Variants in TCF20 observed in about 807,000 individuals in gnomAD.
TCF20 encodes the protein transcription factor 20.
Under a neutral mutation model 148.6 loss-of-function variants are expected in TCF20, and 3 were observed. The ratio of observed to expected loss-of-function variants is 0.02; its 90% CI spans 0.01 to 0.05. The LOEUF (loss-of-function observed/expected upper bound fraction) is 0.05, where lower values mean the gene tolerates loss of function less well. TCF20 is among the 10% of genes least tolerant of loss of function. The pLI, the probability that TCF20 is intolerant of heterozygous loss-of-function variation, is 1.00. For synonymous variants in TCF20, 1,049 were observed against 909.5 expected (o/e 1.15, Z -2.76); for missense variants, 2,350 against 2,429.3 (o/e 0.97, Z 0.69).
intron 1 of TCF20, among the ~76,000 whole-genome samples, chr22:42,216,062 G>C (rs917997766): frequency 2.4e-5 from 3 of 123,066 alleles, no homozygotes; most frequent in Non-Finnish European, 5.1e-5. Context: ...GGGGTGTGGG[G>C]TAAGAAAAAC....
chr22:42,261,178 T>C (rs950982551), intron 1 of TCF20, among the ~76,000 whole-genome samples: 2 of 152,254 alleles, frequency 1.3e-5, no homozygotes, highest in Non-Finnish European at 2.9e-5. Flanking sequence ...TATCTGTAGT[T>C]TGTTCCTTTT....
At chr22:42,232,690 G>C (rs1206106063) in intron 1 of TCF20, among the ~76,000 whole-genome samples, 1 of 151,790 alleles carries the variant, frequency 6.6e-6, no homozygotes, top group Non-Finnish European at 1.5e-5. Context: ...AATTAGCACG[G>C]CGTGGTGGCG....
intron 1 of TCF20, among the ~76,000 whole-genome samples, chr22:42,300,379 T>C (rs1220889720): frequency 6.6e-6 from 1 of 151,784 alleles, no homozygotes; most frequent in Non-Finnish European, 1.5e-5. Flanking sequence ...GTTTTAATTT[T>C]GGCTCAAACT....
intron 1 of TCF20, among the ~76,000 whole-genome samples, chr22:42,259,426 G>A (rs982973613): frequency 4.6e-5 from 7 of 152,144 alleles, no homozygotes; most frequent in Non-Finnish European, 8.8e-5. Context: ...GCAACCTCAT[G>A]TACTCCTAGG....
At chr22:42,323,869 G>GAGGTGGTGGTGGTGATGGAGGTTA (rs1927784143) in intron 1 of TCF20, among the ~76,000 whole-genome samples, 1 of 135,418 alleles carries the variant, frequency 7.4e-6, no homozygotes, top group Non-Finnish European at 1.7e-5. Flanking sequence ...TATGGTGGTG[G>GAGGTGGTGGTGGTGATGGAGGTTA]TGGTGGTGGT....
intron 1 of TCF20, among the ~76,000 whole-genome samples, chr22:42,334,883 C>T (rs1034192530): frequency 2.0e-5 from 3 of 152,134 alleles, no homozygotes; most frequent in Non-Finnish European, 4.4e-5. Context: ...TGTGAGTTGT[C>T]GGAAGGGAAC....
chr22:42,215,633 G>A (rs1034313484), intron 1 of TCF20, among the ~76,000 whole-genome samples: 3 of 151,994 alleles, frequency 2.0e-5, no homozygotes, highest in Non-Finnish European at 4.4e-5. Context: ...CACCAGGCTC[G>A]GCTAATTTTT....
intron 1 of TCF20, among the ~76,000 whole-genome samples, chr22:42,264,689 T>A (rs1487366978): frequency 6.6e-6 from 1 of 152,224 alleles, no homozygotes; most frequent in Non-Finnish European, 1.5e-5. Flanking sequence ...TAAAGTAACA[T>A]CCCCTGAGTT....
At chr22:42,188,872 A>C (rs1446180641) in intron 2 of TCF20, among the ~76,000 whole-genome samples, 2 of 152,230 alleles carry the variant, frequency 1.3e-5, no homozygotes, top group East Asian at 1.9e-4. Context: ...TCTGGGGGTA[A>C]AGCAAAATTT....
In TCF20 at chr22:42,339,566, G is replaced by A. The variant is rs1349800252; in HGVS notation, c.-37+3913C>T. The stretch of plus-strand genomic sequence containing the variant: ...GGCCAGAAATGACCACAAAAACGGC[G>A]CTCACTCTGCACCCACTCTGCGTCA... On this transcript the variant is annotated intron_variant, in intron 1 of 1. Transcript: ENST00000515426. Among the ~76,000 whole-genome samples the A allele has an allele frequency of 3.9e-5, 6 of 152,210 alleles. No individual in the cohort carries two copies. In the East Asian group the frequency reaches 9.6e-4, roughly 24 times the overall value.
upstream of TCF20, among the ~76,000 whole-genome samples, chr22:42,270,683 G>A (rs1298487680): frequency 2.1e-5 from 3 of 143,046 alleles, no homozygotes; most frequent in Non-Finnish European, 4.7e-5. Context: ...CGCGGCCAAT[G>A]GGGAGGCTCC....
chr22:42,196,600 C>G (rs75181277), intron 2 of TCF20, among the ~76,000 whole-genome samples: 2,415 of 152,286 alleles, frequency 0.016, 55 homozygotes, highest in African/African-American at 0.055. Flanking sequence ...GAGGCCTTCA[C>G]CTGACATGTG....
chr22:42,262,320 A>G (rs1926072208), intron 1 of TCF20, among the ~76,000 whole-genome samples: 1 of 152,188 alleles, frequency 6.6e-6, no homozygotes, highest in Non-Finnish European at 1.5e-5. Context: ...AGAAGTTATC[A>G]TCTTATGGAA....
At chr22:42,258,360 T>C (rs1477802886) in intron 1 of TCF20, among the ~76,000 whole-genome samples, 1 of 152,092 alleles carries the variant, frequency 6.6e-6, no homozygotes, top group African/African-American at 2.4e-5. Context: ...CACACACCTC[T>C]GCTCGCACCT....
chr22:42,176,723 T>G (rs1390609650), intron 3 of TCF20, among the ~76,000 whole-genome samples: 2 of 152,148 alleles, frequency 1.3e-5, no homozygotes, highest in Non-Finnish European at 2.9e-5. Context: ...GGACATTATG[T>G]CAAGTGAAAT....
At chr22:42,259,578 C>T (rs1601673322) in intron 1 of TCF20, among the ~76,000 whole-genome samples, 1 of 152,166 alleles carries the variant, frequency 6.6e-6, no homozygotes, top group African/African-American at 2.4e-5. Flanking sequence ...TCACTTTATA[C>T]CCTATTCCAA....
intron 1 of TCF20, among the ~76,000 whole-genome samples, chr22:42,262,630 C>T (rs1373247704): frequency 6.6e-6 from 1 of 151,962 alleles, no homozygotes; most frequent in Non-Finnish European, 1.5e-5. Flanking sequence ...GATCAGAGAT[C>T]ACCGAGGGAG....
intron 3 of TCF20, among the ~76,000 whole-genome samples, chr22:42,172,232 A>C (rs1232178120): frequency 6.6e-6 from 1 of 152,230 alleles, no homozygotes; most frequent in Non-Finnish European, 1.5e-5. Flanking sequence ...CAGGGGCCAG[A>C]ACCACAGCTA....
At chr22:42,223,718 A>G (rs1308740284) in intron 1 of TCF20, among the ~76,000 whole-genome samples, 4 of 152,192 alleles carry the variant, frequency 2.6e-5, no homozygotes, top group African/African-American at 9.6e-5. Context: ...TCTTGCTAGA[A>G]TTTAGTTGAC....
Sources: gnomAD v4.1 joint callset for allele counts (sites outside exome capture counted in the v4.1 genomes callset) on GRCh38, gnomAD v4.1.1 for gene constraint, MANE v1.5 for transcripts, NCBI Gene and HGNC (gene_info 2026-07-23, HGNC 2026-07-21) for gene names.